Variants in AVEN observed in about 807,000 individuals in gnomAD.
The protein encoded by AVEN is apoptosis and caspase activation inhibitor, also known as cell death regulator Aven.
In AVEN, 41 loss-of-function variants were observed where a neutral mutation model predicts 38.1. The ratio of observed to expected loss-of-function variants is 1.08; its 90% confidence interval spans 0.84 to 1.40. AVEN has a LOEUF of 1.40. Among genes scored for constraint, AVEN ranks in the 40% most tolerant of loss-of-function variants. AVEN has a pLI of 0.00. For synonymous variants in AVEN, 206 were observed against 171.8 expected, an observed-to-expected ratio of 1.20 and a Z score of -1.56; for missense variants, 605 against 438.8, an observed-to-expected ratio of 1.38 and a Z score of -3.38.
At position 34,031,139 on chromosome 15, in the gene AVEN, A is replaced by G. The variant is rs186372519; in HGVS notation, c.267+7641T>C. 3.7e-5 allele frequency among the ~76,000 whole-genome samples: 5 copies of G among 136,866 alleles called. No homozygotes were observed. In the East Asian group the frequency reaches 8.6e-4, roughly 24 times the overall value. The allele number at this position is 136,866 out of a possible 152,430, so 89.8% of individuals were successfully genotyped here. ...TATGAGTTTTTTTTTGTAACAGCCT[A>G]TTATCCCAATTATGCTTTGCTTAGG... On this transcript the variant is annotated intron_variant, in intron 1 of 5. Coordinates refer to ENST00000306730, the MANE Select transcript of AVEN (RefSeq NM_020371.3).
rs566079842 is a variant in AVEN at position 33,924,383 on chromosome 15, T to A, written c.446-48388A>T. On this transcript the variant is annotated intron_variant, in intron 2 of 5. Transcript: ENST00000306730. ...AGACTGTCTCAAAAAAAAAAAAAAA[T>A]TATTATTTTTTTCCTGGCACGACGC... Among the ~76,000 whole-genome samples, 13 of 149,918 alleles carry A rather than the reference T, an allele frequency of 8.7e-5. 1 individual carries two copies. Among genetic ancestry groups the A allele is most frequent in the South Asian group, 8.4e-4 (4 of 4,758 alleles).
intron 3 of AVEN, 110 bp downstream of exon 3, chr15:33,875,815 A>T: frequency 9.3e-7 from 1 of 1,074,410 alleles, no homozygotes; most frequent in Non-Finnish European, 1.4e-6. Context: ...GGTACACTGT[A>T]AGAATTACTA....
chr15:34,018,287 G>GTGGGTTCTC (rs1189427129), intron 1 of AVEN: 1 of 152,244 alleles, frequency 6.6e-6, no homozygotes, highest in Admixed American at 6.5e-5. Context: ...ATTCCTTCTT[G>GTGGGTTCTC]TGGGTTCTCG....
At chr15:34,054,507 C>T (rs1161439156) in intron 5 of AVEN, among the ~76,000 whole-genome samples, 1 of 152,086 alleles carries the variant, frequency 6.6e-6, no homozygotes, top group African/African-American at 2.4e-5. Flanking sequence ...TAAAAAGGAA[C>T]AAGATTATGT....
intron 2 of AVEN, among the ~76,000 whole-genome samples, chr15:33,960,987 T>C (rs886750714): frequency 2.6e-5 from 4 of 152,232 alleles, no homozygotes; most frequent in African/African-American, 9.6e-5. Context: ...AATGTATTTC[T>C]GGTAAAAATA....
rs544214766 is a variant in AVEN, at chr15:34,062,649, G to A, written n.1637+273C>T. The stretch of plus-strand genomic sequence containing the variant: ...GTGTTTCCCTCTCTTCCAGATGCTG[G>A]CCAAGAAGAGCTGAAATAGAAAACA... On this transcript the variant is annotated intron_variant and non_coding_transcript_variant, in intron 5 of 11. Transcript: ENST00000675287. 9.6e-6 allele frequency: 14 copies of A among 1,459,802 alleles called. 1 individual carries two copies. In the South Asian group the frequency reaches 1.7e-4, roughly 18 times the overall value. The allele number at this position is 1,459,802 out of a possible 1,614,324, so 90.4% of individuals were successfully genotyped here.
At chr15:33,937,151 A>T (rs1441701641) in intron 2 of AVEN, among the ~76,000 whole-genome samples, 1 of 129,258 alleles carries the variant, frequency 7.7e-6, no homozygotes, top group Non-Finnish European at 1.7e-5. Flanking sequence ...AAAAAAAAAG[A>T]CCAAAAACAG....
At position 34,063,876 on chromosome 15, in the gene AVEN, G is replaced by T. The variant is rs143713868; in HGVS notation, n.1127-444C>A. 9.3e-6 allele frequency: 15 copies of T among 1,614,080 alleles called. No individual in the cohort carries two copies. The African/African-American group carries it at 1.9e-4, about 20-fold the overall frequency. ...CTATAAGTTCCGATTGGTGGTAAAA[G>T]CTGACGGGAACCAGGAGACCAACAA... On this transcript the variant is annotated intron_variant and non_coding_transcript_variant, in intron 4 of 11. Coordinates refer to the AVEN transcript ENST00000675287. This position sits in a 1 kb window ranked among gnomAD's most constrained non-coding sequence, Gnocchi z 4.1.
At chr15:33,938,315 C>T (rs1415493513) in intron 2 of AVEN, among the ~76,000 whole-genome samples, 1 of 151,742 alleles carries the variant, frequency 6.6e-6, no homozygotes, top group East Asian at 1.9e-4. Flanking sequence ...ATTAGCCGGG[C>T]GTGGTGGTGG....
chr15:33,917,523 GTGTA>G (rs1567412645), intron 2 of AVEN, among the ~76,000 whole-genome samples: 1 of 112,354 alleles, frequency 8.9e-6, no homozygotes, highest in East Asian at 2.2e-4. Context: ...ACACACATAC[GTGTA>G]TATATATATA....
intron 2 of AVEN, among the ~76,000 whole-genome samples, chr15:33,895,411 A>C (rs1892194679): frequency 6.6e-6 from 1 of 151,638 alleles, no homozygotes; most frequent in Admixed American, 6.6e-5. Context: ...CTGCAGCCTC[A>C]ATCTCCCAGG....
intron 2 of AVEN, among the ~76,000 whole-genome samples, chr15:33,939,978 C>G (rs1385620328): frequency 6.6e-6 from 1 of 152,152 alleles, no homozygotes; most frequent in Non-Finnish European, 1.5e-5. Context: ...ATTCCTTCTA[C>G]TAGTTCTGAG....
chr15:33,872,592 C>T (rs1319401429), intron 3 of AVEN, among the ~76,000 whole-genome samples: 2 of 152,114 alleles, frequency 1.3e-5, no homozygotes, highest in African/African-American at 4.8e-5. Flanking sequence ...GCCAGGCCCT[C>T]AGGAACGGCC....
chr15:33,852,749 A>G, the AVEN span: 2 of 293,114 alleles, frequency 6.8e-6, no homozygotes, highest in African/African-American at 2.2e-5. Context: ...TTAGAAACAT[A>G]CAACTGTCTC....
At chr15:33,958,572 G>A (rs1323966213) in intron 2 of AVEN, among the ~76,000 whole-genome samples, 22 of 139,690 alleles carry the variant, frequency 1.6e-4, no homozygotes, top group Middle Eastern at 3.9e-3. Flanking sequence ...GCCTGGGCAA[G>A]ACAGCAAGAC....
chr15:33,868,476 C>T (rs556105898), intron 4 of AVEN, among the ~76,000 whole-genome samples: 1 of 136,108 alleles, frequency 7.3e-6, no homozygotes, highest in Admixed American at 8.6e-5. Flanking sequence ...ACCTGGGAGG[C>T]GGAGCTTGCA....
At chr15:34,039,408 T>C (rs554751508), upstream of AVEN, among the ~76,000 whole-genome samples, 34 of 8,088 alleles carry the variant, frequency 4.2e-3, no homozygotes, top group Middle Eastern at 0.17. Flanking sequence ...ATGTGAACTC[T>C]CGGAAAAAAA....
intron 2 of AVEN, among the ~76,000 whole-genome samples, chr15:33,935,470 A>G (rs1272239190): frequency 9.7e-6 from 1 of 103,134 alleles, no homozygotes; most frequent in East Asian, 2.9e-4. Context: ...GCTGCTATAT[A>G]TATTTGTGTA....
chr15:33,896,956 G>A (rs748731851), intron 2 of AVEN, among the ~76,000 whole-genome samples: 3 of 152,154 alleles, frequency 2.0e-5, no homozygotes, highest in African/African-American at 7.2e-5. Flanking sequence ...AGCGTGCAAT[G>A]ACACTCAAAA....
Sources: allele counts gnomAD v4.1 joint callset (sites outside exome capture counted in the v4.1 genomes callset), GRCh38; gene constraint gnomAD v4.1.1; non-coding constraint Gnocchi (gnomAD v3.1); transcripts MANE v1.5; gene names NCBI Gene and HGNC (gene_info 2026-07-23, HGNC 2026-07-21).